Variants in UBR3 observed in about 807,000 individuals in gnomAD.
UBR3 encodes E3 ubiquitin-protein ligase UBR3.
A neutral mutation model predicts 243.2 loss-of-function variants in UBR3; 85 were observed. That is an observed-to-expected ratio of 0.35 (90% confidence interval 0.29 to 0.42). The LOEUF (loss-of-function observed/expected upper bound fraction) is 0.42. Ranked by LOEUF, UBR3 falls within the 10% of genes least tolerant of loss-of-function variation. The probability of loss-of-function intolerance (pLI) is 1.00; values close to 1 mark genes in which losing one functional copy is unlikely to be tolerated. For missense variants in UBR3, 1,686 were observed against 2,300.8 expected (o/e 0.73, Z 5.47); for synonymous variants, 748 against 799.8 (o/e 0.94, Z 1.09).
intron 33 of UBR3, among the ~76,000 whole-genome samples, chr2:170,057,131 T>C (rs913385884): frequency 1.3e-5 from 2 of 151,572 alleles, no homozygotes; most frequent in African/African-American, 4.9e-5. Context: ...TTTTTTTTTT[T>C]TTTTGAGACA....
At chr2:169,907,246 C>G (rs917673254) in intron 10 of UBR3, among the ~76,000 whole-genome samples, 1 of 151,564 alleles carries the variant, frequency 6.6e-6, no homozygotes, top group Non-Finnish European at 1.5e-5. Flanking sequence ...CATGTTGTCC[C>G]GGTTCAAATT....
chr2:170,065,080 C>T (rs1248437472), intron 35 of UBR3, among the ~76,000 whole-genome samples: 3 of 151,902 alleles, frequency 2.0e-5, no homozygotes, highest in Admixed American at 6.6e-5. Context: ...GGACCTCAGG[C>T]GATCTGCCCG....
intron 19 of UBR3, among the ~76,000 whole-genome samples, chr2:169,942,264 A>G (rs1485891579): frequency 6.6e-6 from 1 of 152,056 alleles, no homozygotes. Context: ...AAGTTTATAT[A>G]TTTTTTAATT....
At chr2:169,858,161 A>C (rs2082957274) in intron 1 of UBR3, among the ~76,000 whole-genome samples, 1 of 152,152 alleles carries the variant, frequency 6.6e-6, no homozygotes, top group South Asian at 2.1e-4. Context: ...ATCCCTCATG[A>C]GGTTATAATA....
Position 169,894,322 on chromosome 2 carries a change from G to GAAAA in UBR3, c.1106-835_1106-832dup, listed in dbSNP as rs59525862. ...TCCAGAGTGAGACCCTGACTCTTAA[G>GAAAA]AAAAAAAAAAAAAAAAAAAAAAAAA... On this transcript the variant is annotated intron_variant, in intron 6 of 38. Coordinates refer to ENST00000272793, the MANE Select transcript of UBR3 (RefSeq NM_172070.4). Among the ~76,000 whole-genome samples, 23 of 78,236 alleles carry GAAAA rather than the reference G, an allele frequency of 2.9e-4. 3 individuals carry two copies. The East Asian group carries it at 3.3e-3, about 11-fold the overall frequency. The allele number at this position is 78,236 out of a possible 152,430, so 51.3% of individuals were successfully genotyped here.
At chr2:170,026,061 G>A (rs75988663) in intron 30 of UBR3, among the ~76,000 whole-genome samples, 6,017 of 151,924 alleles carry the variant, frequency 0.04, 161 homozygotes, top group Non-Finnish European at 0.063. Context: ...CAGAATGAGA[G>A]GGAAAGAGGA....
At chr2:169,921,199 G>C (rs1270964709) in intron 11 of UBR3, among the ~76,000 whole-genome samples, 2 of 152,164 alleles carry the variant, frequency 1.3e-5, no homozygotes, top group African/African-American at 4.8e-5. Flanking sequence ...ACTGAGTTTG[G>C]TTTGGACACG....
At chr2:169,834,653 C>T (rs139378874) in intron 1 of UBR3, among the ~76,000 whole-genome samples, 1,783 of 152,220 alleles carry the variant, frequency 0.012, 50 homozygotes, top group African/African-American at 0.039. Context: ...ACTGCTTTTT[C>T]GTCCCAGCCA....
intron 24 of UBR3, 90 bp downstream of exon 24, chr2:169,958,616 T>A: frequency 1.7e-6 from 2 of 1,149,544 alleles, no homozygotes; most frequent in Non-Finnish European, 2.5e-6. Context: ...TTTAAAACAT[T>A]ACACACTTTT....
intron 29 of UBR3, among the ~76,000 whole-genome samples, chr2:170,011,154 CAG>C (rs2090070949): frequency 6.6e-6 from 1 of 152,082 alleles, no homozygotes; most frequent in South Asian, 2.1e-4. Context: ...GCTTGGGCAA[CAG>C]AGCAAAACCC....
At chr2:170,010,183 A>C (rs2090041598) in intron 29 of UBR3, among the ~76,000 whole-genome samples, 1 of 152,170 alleles carries the variant, frequency 6.6e-6, no homozygotes, top group African/African-American at 2.4e-5. Flanking sequence ...CTGGAGAGTT[A>C]CTAGTTACTA....
chr2:170,061,372 T>C lies in UBR3; in HGVS notation c.4948T>C (p.Cys1650Arg), dbSNP rs1330163321. Residue 1650 changes from cysteine to arginine, a missense_variant, in exon 35 of 39, where the codon TGC (cysteine) becomes CGC (arginine). Coordinates refer to ENST00000272793, the MANE Select transcript of UBR3 (RefSeq NM_172070.4). ...ESMEKCLQDFCLPFLRITSLL... is the reference protein window; with the variant it reads ...ESMEKCLQDFRLPFLRITSLL... ...CATGGAAAAATGCTTACAGGACTTC[T>C]GCTTACCTTTTCTCAGAATCACCAG... 1 of 1,614,208 alleles carries C rather than the reference T, an allele frequency of 6.2e-7. No homozygotes were observed. The highest frequency in any genetic ancestry group is 1.3e-5 in the African/African-American group (1 of 75,066).
intron 24 of UBR3, among the ~76,000 whole-genome samples, chr2:169,980,169 A>G (rs2088653442): frequency 6.6e-6 from 1 of 152,254 alleles, no homozygotes; most frequent in African/African-American, 2.4e-5. Context: ...ACAATTAAGT[A>G]AATGAATGGC....
chr2:169,880,146 A>G (rs988793019), intron 5 of UBR3, among the ~76,000 whole-genome samples: 3 of 152,206 alleles, frequency 2.0e-5, no homozygotes, highest in African/African-American at 7.2e-5. Flanking sequence ...GCACTTCTTT[A>G]GCTAAAGCCA....
At chr2:169,910,671 T>C (rs1463022317) in intron 10 of UBR3, among the ~76,000 whole-genome samples, 2 of 152,162 alleles carry the variant, frequency 1.3e-5, no homozygotes, top group Admixed American at 1.3e-4. Context: ...TCGTGAGCAC[T>C]TACACTATGT....
chr2:169,828,503 A>G (rs1442965216), intron 1 of UBR3, among the ~76,000 whole-genome samples: 5 of 151,876 alleles, frequency 3.3e-5, no homozygotes, highest in Non-Finnish European at 5.9e-5. Flanking sequence ...TCGCGGGATG[A>G]TGAGAGCTGG....
intron 38 of UBR3, among the ~76,000 whole-genome samples, chr2:170,081,478 TG>T (rs1305016061): frequency 4.0e-5 from 6 of 151,748 alleles, no homozygotes; most frequent in Non-Finnish European, 8.8e-5. Flanking sequence ...CCAGCCTGGG[TG>T]ACAGAGTGGG....
rs1367271812 is a variant in UBR3, at chr2:169,838,384, CATTTGTGTGTGT to C, written c.545+10333_545+10344del. 2.1e-3 allele frequency among the ~76,000 whole-genome samples: 280 copies of C among 133,620 alleles called. 3 individuals are homozygous for C. Among genetic ancestry groups the C allele is most frequent in the African/African-American group, 7.2e-3 (249 of 34,502 alleles). The allele number at this position is 133,620 out of a possible 152,430, so 87.7% of individuals were successfully genotyped here. On this transcript the variant is annotated intron_variant, in intron 1 of 38. Coordinates refer to ENST00000272793, the MANE Select transcript of UBR3 (RefSeq NM_172070.4). ...GAAGCTGGGAAGTCCAAGATTAAGG[CATTTGTGTGTGT>C]GTGTGTGTGTGTGTGTGTGTGTGTG...
rs755702716 is a variant in UBR3 at position 170,006,981 on chromosome 2, G to C, written c.4030-9G>C. ...TATCACGCATCTGTATGTTTATTTC[G>C]TCTTTTAGAATGACCAGGTTCTTCA... On this transcript the variant is annotated splice_polypyrimidine_tract_variant and intron_variant, in intron 27 of 38. Coordinates refer to ENST00000272793, the MANE Select transcript of UBR3 (RefSeq NM_172070.4). The C allele has an allele frequency of 6.2e-7, 1 of 1,610,428 alleles. No homozygotes were observed. Among genetic ancestry groups the C allele is most frequent in the Non-Finnish European group, 8.5e-7 (1 of 1,179,020 alleles).
Sources: allele counts gnomAD v4.1 joint callset (sites outside exome capture counted in the v4.1 genomes callset), GRCh38; gene constraint gnomAD v4.1.1; transcripts MANE v1.5; gene names NCBI Gene and HGNC (gene_info 2026-07-23, HGNC 2026-07-21).